The following PTPRD variants were observed in gnomAD, a reference collection of about 807,000 sequenced individuals.
PTPRD encodes protein tyrosine phosphatase receptor type D, also known as receptor-type tyrosine-protein phosphatase delta.
A neutral mutation model predicts 214.5 loss-of-function variants in PTPRD; 34 were observed. The observed-to-expected ratio is 0.16, with a 90% confidence interval of 0.12 to 0.21. PTPRD has a LOEUF of 0.21. Ranked by LOEUF, PTPRD falls within the 10% of genes least tolerant of loss-of-function variation. The probability of loss-of-function intolerance (pLI) is 1.00; values close to 1 mark genes in which losing one functional copy is unlikely to be tolerated. For synonymous variants in PTPRD, 1,128 were observed against 845.7 expected (o/e 1.33, Z -5.79); for missense variants, 2,545 against 2,398.7 (o/e 1.06, Z -1.27).
chr9:9,943,363 G>C (rs533300700), intron 4 of PTPRD, among the ~76,000 whole-genome samples: 132 of 152,124 alleles, frequency 8.7e-4, no homozygotes, highest in African/African-American at 3.1e-3. Context: ...TCACTCTCTG[G>C]AATTTTTAGT....
chr9:9,597,836 A>G (rs2093470824), intron 7 of PTPRD, among the ~76,000 whole-genome samples: 2 of 152,090 alleles, frequency 1.3e-5, no homozygotes, highest in South Asian at 2.1e-4. Flanking sequence ...GTAGAAAAAT[A>G]ATAAGATGTT....
At chr9:10,536,574 T>A (rs893561463) in intron 2 of PTPRD, among the ~76,000 whole-genome samples, 1 of 152,266 alleles carries the variant, frequency 6.6e-6, no homozygotes, top group South Asian at 2.1e-4. Flanking sequence ...CAAGTAGAGT[T>A]AGAATGGCTC....
chr9:10,228,000 G>T (rs2099594861), intron 3 of PTPRD, among the ~76,000 whole-genome samples: 2 of 151,912 alleles, frequency 1.3e-5, no homozygotes, highest in Admixed American at 1.3e-4. Context: ...CTACAGAAAG[G>T]CTAAAGTAAA....
intron 3 of PTPRD, among the ~76,000 whole-genome samples, chr9:10,139,788 G>A (rs2098970065): frequency 6.6e-6 from 1 of 151,978 alleles, no homozygotes. Flanking sequence ...AAGGAATGGG[G>A]CAAAGATTCC....
At chr9:8,589,812 C>T (rs2093958816) in intron 14 of PTPRD, among the ~76,000 whole-genome samples, 1 of 152,134 alleles carries the variant, frequency 6.6e-6, no homozygotes, top group East Asian at 1.9e-4. Context: ...GCCTACACAA[C>T]CTGTTATAAT....
chr9:9,564,893 T>TG (rs1555578993), intron 8 of PTPRD, among the ~76,000 whole-genome samples: 4 of 130,562 alleles, frequency 3.1e-5, no homozygotes, highest in East Asian at 2.1e-4. Flanking sequence ...TGTTTTTTTT[T>TG]TTTTTTTTTT....
intron 2 of PTPRD, among the ~76,000 whole-genome samples, chr9:10,588,357 T>C (rs1451931052): frequency 4.6e-5 from 7 of 151,684 alleles, no homozygotes; most frequent in Admixed American, 4.6e-4. Context: ...AGTAACTATC[T>C]TACAAACTCT....
At chr9:9,469,490 G>A (rs1268697538) in intron 8 of PTPRD, among the ~76,000 whole-genome samples, 2 of 152,164 alleles carry the variant, frequency 1.3e-5, no homozygotes, top group African/African-American at 2.4e-5. Flanking sequence ...GCTTGAGACA[G>A]AGGCTTTCTA....
chr9:8,569,543 A>G (rs1407143016), intron 14 of PTPRD, among the ~76,000 whole-genome samples: 3 of 152,106 alleles, frequency 2.0e-5, no homozygotes, highest in African/African-American at 7.2e-5. Context: ...GTTCCCCTCA[A>G]CAATTGGTGT....
chr9:8,710,488 C>T (rs948779228), intron 12 of PTPRD, among the ~76,000 whole-genome samples: 29 of 152,016 alleles, frequency 1.9e-4, no homozygotes, highest in Non-Finnish European at 2.9e-4. Flanking sequence ...TGGTGGCAGG[C>T]GCCTATACTC....
chr9:8,321,524 T>A (rs1026131205), intron 44 of PTPRD, among the ~76,000 whole-genome samples: 39 of 127,066 alleles, frequency 3.1e-4, no homozygotes, highest in African/African-American at 9.9e-4. Flanking sequence ...TATATATATA[T>A]ATAAAAGGTA....
chr9:9,451,269 AG>A (rs1431978874), intron 8 of PTPRD, among the ~76,000 whole-genome samples: 1 of 151,806 alleles, frequency 6.6e-6, no homozygotes, highest in Non-Finnish European at 1.5e-5. Context: ...ACTCAGTATA[AG>A]GTTTAAAGAG....
At chr9:9,591,162 A>ATT (rs59584898) in intron 7 of PTPRD, among the ~76,000 whole-genome samples, 53,193 of 151,608 alleles carry the variant, frequency 0.35, 9,739 homozygotes, top group African/African-American at 0.42. Flanking sequence ...AACGAAGAGA[A>ATT]TTCTCTGGCT....
chr9:9,647,785 G>T (rs2096233905), intron 7 of PTPRD, among the ~76,000 whole-genome samples: 1 of 151,766 alleles, frequency 6.6e-6, no homozygotes, highest in Non-Finnish European at 1.5e-5. Flanking sequence ...TCACACCTTG[G>T]GTATGCCCAA....
intron 11 of PTPRD, among the ~76,000 whole-genome samples, chr9:8,848,394 G>A (rs2097748754): frequency 6.8e-6 from 1 of 147,634 alleles, no homozygotes; most frequent in African/African-American, 2.5e-5. Flanking sequence ...AGAATGCAGT[G>A]GCACGATCCC....
chr9:10,536,901 G>A (rs1280620679), intron 2 of PTPRD, among the ~76,000 whole-genome samples: 2 of 152,038 alleles, frequency 1.3e-5, no homozygotes, highest in Admixed American at 6.6e-5. Context: ...TTTATTTCCA[G>A]CTATTAGAGT....
intron 9 of PTPRD, among the ~76,000 whole-genome samples, chr9:9,383,143 T>C (rs1374588749): frequency 3.3e-5 from 5 of 152,068 alleles, no homozygotes; most frequent in African/African-American, 9.7e-5. Flanking sequence ...CTACCATTTT[T>C]CTTTTGTGAT....
At chr9:9,578,794 A>C (rs116423006) in intron 7 of PTPRD, among the ~76,000 whole-genome samples, 3 of 152,074 alleles carry the variant, frequency 2.0e-5, no homozygotes, top group African/African-American at 4.8e-5. Flanking sequence ...AAATCTTACT[A>C]TCAATATGTT....
rs62534043 is a variant in PTPRD, at chr9:8,510,181, G to A, written c.1544-2747C>T. 7.0e-4 allele frequency among the ~76,000 whole-genome samples: 106 copies of A among 152,144 alleles called. 1 individual carries two copies. Among genetic ancestry groups the A allele is most frequent in the African/African-American group, 2.5e-3 (102 of 41,518 alleles). Reference sequence around the variant, plus strand: ...GTGGAGCATGCCTGTAGTCCCAGCTGCTTGGGAGGCTGAGGTGAGAGGATC... The same window carrying A: ...GTGGAGCATGCCTGTAGTCCCAGCTACTTGGGAGGCTGAGGTGAGAGGATC... On this transcript the variant is annotated intron_variant, in intron 21 of 45. Transcript: ENST00000381196.
Sources: allele counts gnomAD v4.1 joint callset (sites outside exome capture counted in the v4.1 genomes callset), GRCh38; gene constraint gnomAD v4.1.1; transcripts MANE v1.5; gene names NCBI Gene and HGNC (gene_info 2026-07-23, HGNC 2026-07-21).